MXI1: variants seen among roughly 807,000 people sequenced by gnomAD.
MXI1 encodes MAX interactor 1, dimerization protein, also known as max-interacting protein 1.
A neutral mutation model predicts 36.9 loss-of-function variants in MXI1; 18 were observed. The ratio of observed to expected loss-of-function variants is 0.49; its 90% CI spans 0.34 to 0.72. MXI1 has a LOEUF of 0.72. Among genes scored for constraint, MXI1 ranks in the 30% least tolerant of loss-of-function variants. The pLI, the probability that MXI1 is intolerant of heterozygous loss-of-function variation, is 0.01. For missense variants in MXI1, 304 were observed against 379.1 expected (o/e 0.80, Z 1.64); for synonymous variants, 160 against 146.7 (o/e 1.09, Z -0.65).
At chr10:110,231,375 C>CA (rs1855256106) in intron 2 of MXI1, among the ~76,000 whole-genome samples, 1 of 135,844 alleles carries the variant, frequency 7.4e-6, no homozygotes, top group Non-Finnish European at 1.6e-5. Context: ...CCCCCCCCCT[C>CA]AAAAAAGTAA....
At chr10:110,273,283 A>G (rs565645448) in intron 3 of MXI1, among the ~76,000 whole-genome samples, 6 of 151,870 alleles carry the variant, frequency 4.0e-5, no homozygotes, top group East Asian at 3.9e-4. Flanking sequence ...TCCTGACCTC[A>G]TGATCCGCCC....
chr10:110,233,553 T>C (rs540786174), intron 2 of MXI1, among the ~76,000 whole-genome samples: 1 of 152,240 alleles, frequency 6.6e-6, no homozygotes, highest in Non-Finnish European at 1.5e-5. Context: ...TAAAAAGTAG[T>C]TTCTGGGTCT....
chr10:110,287,302 A>G lies in MXI1; in HGVS notation c.*2315A>G, dbSNP rs954016612. On this transcript the variant is annotated 3_prime_UTR_variant, in exon 6 of 6. Coordinates refer to ENST00000332674, the MANE Select transcript of MXI1 (RefSeq NM_130439.3). ...ATGAGTAAGAAGTATTAATTTTTTA[A>G]AAGACAAATCAACTTTGAAGACACA... 5 of 152,196 alleles carry G rather than the reference A, an allele frequency of 3.3e-5. No homozygotes were observed. Among genetic ancestry groups the G allele is most frequent in the African/African-American group, 1.2e-4 (5 of 41,460 alleles). 9.4% of individuals were successfully genotyped at this position (152,196 alleles called of 1,614,324 possible). A position where few individuals can be genotyped will look rare whatever the true frequency, so the allele number is the denominator to read the frequency against.
intron 3 of MXI1, among the ~76,000 whole-genome samples, chr10:110,250,833 A>G (rs1856052117): frequency 6.7e-6 from 1 of 149,648 alleles, no homozygotes; most frequent in Admixed American, 6.7e-5. Flanking sequence ...CTTTGTCAAA[A>G]AAAAAAAAAA....
At chr10:110,226,261 G>C in intron 1 of MXI1, 1 of 1,501,648 alleles carries the variant, frequency 6.7e-7, no homozygotes, top group Non-Finnish European at 8.9e-7. Context: ...AGGCTGCCGA[G>C]TTTTTGGAGC....
At chr10:110,233,131 T>C (rs1208868343) in intron 2 of MXI1, among the ~76,000 whole-genome samples, 1 of 152,306 alleles carries the variant, frequency 6.6e-6, no homozygotes, top group Non-Finnish European at 1.5e-5. Flanking sequence ...TAGTGTCCTA[T>C]GGATACTAAA....
At chr10:110,238,706 GT>G (rs35365331) in intron 2 of MXI1, among the ~76,000 whole-genome samples, 23,851 of 151,954 alleles carry the variant, frequency 0.16, 2,966 homozygotes, top group East Asian at 0.62. Flanking sequence ...TTGTGGGAAG[GT>G]TTTTTTAAAA....
chr10:110,263,896 G>C (rs538969817), intron 3 of MXI1, among the ~76,000 whole-genome samples: 1 of 152,278 alleles, frequency 6.6e-6, no homozygotes, highest in Admixed American at 6.5e-5. Flanking sequence ...CTTGGACAGA[G>C]CCTTAGGAAG....
Position 110,285,089 on chromosome 10 carries a change from C to T in MXI1, c.*102C>T, listed in dbSNP as rs202145367. On this transcript the variant is annotated 3_prime_UTR_variant, in exon 6 of 6. Transcript: ENST00000332674. ...TCATGATGCAGTCTCCTCTTTAAAA[C>T]AAAACAAAACAAAACAAAACTATAC... 1 of 245,708 alleles carries T rather than the reference C, an allele frequency of 4.1e-6. No homozygotes were observed. The highest frequency in any genetic ancestry group is 2.3e-5 in the African/African-American group (1 of 44,378). 15.2% of individuals were successfully genotyped at this position (245,708 alleles called of 1,614,324 possible). A position where few individuals can be genotyped will look rare whatever the true frequency, so the allele number is the denominator to read the frequency against.
Position 110,207,720 on chromosome 10 carries a change from C to T in MXI1, c.-89C>T. 2.1e-6 allele frequency: 2 copies of T among 936,692 alleles called. No individual in the cohort carries two copies. The highest frequency in any genetic ancestry group is 2.6e-6 in the Non-Finnish European group (2 of 767,342). 58.0% of individuals were successfully genotyped at this position (936,692 alleles called of 1,614,324 possible). Reference sequence around the variant, plus strand: ...TTTTCGCCCCGGCGCCTTCTCTGCTCCAGCCGGCCGGGTCTCCCTGGGGGC... The same window carrying T: ...TTTTCGCCCCGGCGCCTTCTCTGCTTCAGCCGGCCGGGTCTCCCTGGGGGC... On this transcript the variant is annotated 5_prime_UTR_variant, in exon 1 of 6. Coordinates refer to ENST00000332674, the MANE Select transcript of MXI1 (RefSeq NM_130439.3).
intron 2 of MXI1, among the ~76,000 whole-genome samples, chr10:110,234,023 A>AAATG (rs1855368282): frequency 6.6e-6 from 1 of 152,190 alleles, no homozygotes; most frequent in Non-Finnish European, 1.5e-5. Context: ...TATGAAGACA[A>AAATG]AATATTATCA....
rs1015812394 is a variant in MXI1, at chr10:110,279,856, C to T, written c.553-58C>T. 4 of 1,279,030 alleles carry T rather than the reference C, an allele frequency of 3.1e-6. No homozygotes were observed. The African/African-American group carries it at 6.0e-5, about 19-fold the overall frequency. 79.2% of individuals were successfully genotyped at this position (1,279,030 alleles called of 1,614,324 possible). On this transcript the variant is annotated intron_variant, in intron 4 of 5. Transcript: ENST00000332674. ...ATGTTTTCTCTGCTAAAGGAGGAAT[C>T]AGTTTTATTGTTTGTACTGGACTAT...
intron 3 of MXI1, among the ~76,000 whole-genome samples, chr10:110,273,944 A>G (rs935011341): frequency 2.6e-5 from 4 of 152,262 alleles, no homozygotes; most frequent in Admixed American, 6.5e-5. Context: ...CTTGAAAAAC[A>G]TAATCAAATG....
intron 1 of MXI1, among the ~76,000 whole-genome samples, chr10:110,213,256 G>A (rs968405914): frequency 6.6e-5 from 10 of 152,194 alleles, no homozygotes; most frequent in Non-Finnish European, 1.2e-4. Flanking sequence ...TGCTGAAATC[G>A]AGGGCTTTGA....
intron 5 of MXI1, among the ~76,000 whole-genome samples, chr10:110,282,819 T>G (rs943067957): frequency 6.6e-6 from 1 of 152,164 alleles, no homozygotes; most frequent in Non-Finnish European, 1.5e-5. Context: ...TTTGTTTTTT[T>G]GGGTTTTTAA....
At chr10:110,235,430 G>C (rs1196121699) in intron 2 of MXI1, among the ~76,000 whole-genome samples, 1 of 152,058 alleles carries the variant, frequency 6.6e-6, no homozygotes, top group Non-Finnish European at 1.5e-5. Flanking sequence ...GCTTACACCT[G>C]TAATCTCAGC....
rs994194460 is a variant in MXI1, at chr10:110,259,623, T to A, written c.437+14766T>A. Among the ~76,000 whole-genome samples, 10 of 152,210 alleles carry A rather than the reference T, an allele frequency of 6.6e-5. No individual in the cohort carries two copies. In the East Asian group the frequency reaches 1.9e-3, roughly 29 times the overall value. ...TGCCAAGAGGAAAATCAGTAAAAAA[T>A]GTCTTTTTATTAGATGAGAGACTTT... On this transcript the variant is annotated intron_variant, in intron 3 of 5. Coordinates refer to ENST00000332674, the MANE Select transcript of MXI1 (RefSeq NM_130439.3).
chr10:110,274,663 G>GT (rs1382783707), intron 3 of MXI1, among the ~76,000 whole-genome samples: 4 of 152,054 alleles, frequency 2.6e-5, no homozygotes, highest in Non-Finnish European at 5.9e-5. Flanking sequence ...TCAGTACCAG[G>GT]TTTTTTCTAC....
intron 3 of MXI1, among the ~76,000 whole-genome samples, chr10:110,250,395 A>C (rs1856035304): frequency 6.6e-6 from 1 of 152,214 alleles, no homozygotes; most frequent in South Asian, 2.1e-4. Flanking sequence ...TGAAGAATTA[A>C]GATATTACTT....
Sources: allele counts gnomAD v4.1 joint callset (sites outside exome capture counted in the v4.1 genomes callset), GRCh38; gene constraint gnomAD v4.1.1; transcripts MANE v1.5; gene names NCBI Gene and HGNC (gene_info 2026-07-23, HGNC 2026-07-21).